The following MAST4 variants were observed in gnomAD, a reference collection of about 807,000 sequenced individuals.
MAST4 encodes the protein microtubule associated serine/threonine kinase family member 4.
A neutral mutation model predicts 162.7 loss-of-function variants in MAST4; 89 were observed. That is an observed-to-expected ratio of 0.55 (90% CI 0.46 to 0.65). The LOEUF is 0.65. Among genes scored for constraint, MAST4 ranks in the 30% least tolerant of loss-of-function variants. MAST4 has a pLI of 0.00. For synonymous variants in MAST4, 1,479 were observed against 1,361.1 expected (o/e 1.09, Z -1.91); for missense variants, 3,153 against 3,374.0 (o/e 0.93, Z 1.62).
rs116118119 is a variant in MAST4, at chr5:66,950,367, C to T, written c.674+50385C>T. 7.1e-3 allele frequency among the ~76,000 whole-genome samples: 1,083 copies of T among 152,028 alleles called. 16 individuals are homozygous for T. Among genetic ancestry groups the T allele is most frequent in the African/African-American group, 0.025 (1,038 of 41,484 alleles). ...GTGTAAGTATCACTGCCATGCATCT[C>T]GAGAACTTTTTCATCTTTCCCAACT... On this transcript the variant is annotated intron_variant, in intron 4 of 28. Coordinates refer to ENST00000403625, the MANE Select transcript of MAST4 (RefSeq NM_001164664.2).
At chr5:66,673,876 G>A (rs1459001928) in intron 1 of MAST4, among the ~76,000 whole-genome samples, 2 of 152,138 alleles carry the variant, frequency 1.3e-5, no homozygotes, top group Admixed American at 6.5e-5. Context: ...TGGCTTTTGA[G>A]CCTTCATCTT....
intron 1 of MAST4, among the ~76,000 whole-genome samples, 181 bp downstream of exon 1, chr5:66,597,199 T>A (rs1292546700): frequency 2.0e-5 from 3 of 152,202 alleles, no homozygotes; most frequent in Non-Finnish European, 1.5e-5. Context: ...GTTATTGACT[T>A]CCCTGTGGCT....
At position 66,906,971 on chromosome 5, in the gene MAST4, T is replaced by C. The variant is rs1580832403; in HGVS notation, c.674+6989T>C. ...CTTGATGGTAGCTTCTGGGAGGAGCTGGGCCTGCTAGACTTCTGAGGTAGA... is the reference window on the plus strand; with the variant it reads ...CTTGATGGTAGCTTCTGGGAGGAGCCGGGCCTGCTAGACTTCTGAGGTAGA... On this transcript the variant is annotated intron_variant, in intron 4 of 28. Coordinates refer to ENST00000403625, the MANE Select transcript of MAST4 (RefSeq NM_001164664.2). Among the ~76,000 whole-genome samples, 15 of 152,180 alleles carry C rather than the reference T, an allele frequency of 9.9e-5. No individual in the cohort carries two copies. The South Asian group carries it at 3.1e-3, about 32-fold the overall frequency.
At chr5:66,606,688 C>T (rs1261974941) in intron 1 of MAST4, among the ~76,000 whole-genome samples, 2 of 152,142 alleles carry the variant, frequency 1.3e-5, no homozygotes, top group African/African-American at 4.8e-5. Context: ...TCGTGAATCT[C>T]TCCCACTGGT....
intron 1 of MAST4, among the ~76,000 whole-genome samples, chr5:66,738,704 G>T (rs1475330418): frequency 6.6e-6 from 1 of 152,208 alleles, no homozygotes; most frequent in Non-Finnish European, 1.5e-5. Context: ...CCTCCTCCCG[G>T]TTGAAAGTGC....
chr5:66,644,986 G>A (rs536058306), intron 1 of MAST4, among the ~76,000 whole-genome samples: 1 of 151,932 alleles, frequency 6.6e-6, no homozygotes, highest in Admixed American at 6.6e-5. Flanking sequence ...GGTGGGGTCA[G>A]TGGATGAGCT....
chr5:66,959,050 T>C, intron 4 of MAST4: 1 of 595,978 alleles, frequency 1.7e-6, no homozygotes, highest in East Asian at 2.8e-5. Flanking sequence ...TGCACTGCCG[T>C]TAACCTGAGG....
intron 1 of MAST4, among the ~76,000 whole-genome samples, chr5:66,658,443 T>C (rs1746694454): frequency 6.6e-6 from 1 of 152,214 alleles, no homozygotes; most frequent in Non-Finnish European, 1.5e-5. Flanking sequence ...TCTTTCCTTT[T>C]AAATCAATAT....
chr5:66,918,206 T>C (rs1317778085), intron 4 of MAST4, among the ~76,000 whole-genome samples: 1 of 152,166 alleles, frequency 6.6e-6, no homozygotes, highest in Non-Finnish European at 1.5e-5. Flanking sequence ...GCTTAAGGGG[T>C]TAAAGTTTTC....
chr5:67,037,770 T>G (rs1409054444), intron 4 of MAST4, among the ~76,000 whole-genome samples: 2 of 152,272 alleles, frequency 1.3e-5, no homozygotes, highest in South Asian at 2.1e-4. Context: ...TTCAAGGCTT[T>G]GACAACAAGA....
chr5:67,031,170 G>A (rs1298063938), intron 4 of MAST4, among the ~76,000 whole-genome samples: 1 of 152,104 alleles, frequency 6.6e-6, no homozygotes, highest in African/African-American at 2.4e-5. Flanking sequence ...TTCCTGGTGG[G>A]TGGAGATTAT....
At chr5:67,077,139 C>G (rs891886804) in intron 5 of MAST4, among the ~76,000 whole-genome samples, 2 of 152,118 alleles carry the variant, frequency 1.3e-5, no homozygotes, top group African/African-American at 2.4e-5. Flanking sequence ...AAAAGCTCCC[C>G]AGAGATTTTG....
Position 66,871,239 on chromosome 5 carries a change from A to G in MAST4, c.643-28712A>G, listed in dbSNP as rs1760911837. On this transcript the variant is annotated intron_variant, in intron 3 of 28. Transcript: ENST00000403625. ...CACCGTATAAATACAATTGATGTAA[A>G]CCCTCTTAAAATGTAGCAAACTACA... Among the ~76,000 whole-genome samples the G allele has an allele frequency of 5.3e-5, 8 of 152,248 alleles. No homozygotes were observed. In the South Asian group the frequency reaches 1.7e-3, roughly 32 times the overall value.
intron 1 of MAST4, among the ~76,000 whole-genome samples, chr5:66,718,409 C>G (rs1750991560): frequency 6.6e-6 from 1 of 151,984 alleles, no homozygotes; most frequent in Non-Finnish European, 1.5e-5. Context: ...GCCTCCTGAA[C>G]CTGAGGACCC....
intron 1 of MAST4, among the ~76,000 whole-genome samples, chr5:66,742,697 G>A (rs1752540521): frequency 6.6e-6 from 1 of 152,130 alleles, no homozygotes; most frequent in Non-Finnish European, 1.5e-5. Flanking sequence ...TTTCCTGATT[G>A]CATGTGAAGG....
rs147127742 is a variant in MAST4, at chr5:67,056,434, T to G, written c.763+1942T>G. ...GTTTTTTAGTATATAATTCTGCGATTTAAAGATTTTAATCTCGCTCCTCTT... is the reference window on the plus strand; with the variant it reads ...GTTTTTTAGTATATAATTCTGCGATGTAAAGATTTTAATCTCGCTCCTCTT... On this transcript the variant is annotated intron_variant, in intron 5 of 28. Coordinates refer to ENST00000403625, the MANE Select transcript of MAST4 (RefSeq NM_001164664.2). Among the ~76,000 whole-genome samples the G allele has an allele frequency of 9.3e-4, 142 of 152,326 alleles. 2 individuals are homozygous for G. Among genetic ancestry groups the G allele is most frequent in the African/African-American group, 3.3e-3 (139 of 41,568 alleles).
intron 5 of MAST4, among the ~76,000 whole-genome samples, chr5:67,083,098 T>G (rs1762855005): frequency 6.6e-6 from 1 of 152,208 alleles, no homozygotes; most frequent in Non-Finnish European, 1.5e-5. Flanking sequence ...TTCCAAGATT[T>G]CCTGTGTGGT....
chr5:66,885,950 C>G (rs1382915340), intron 3 of MAST4, among the ~76,000 whole-genome samples: 1 of 152,120 alleles, frequency 6.6e-6, no homozygotes, highest in East Asian at 1.9e-4. Context: ...TTTCTAGATG[C>G]TTTACATGTA....
At chr5:66,834,447 G>T (rs1291777110) in intron 3 of MAST4, among the ~76,000 whole-genome samples, 17 of 152,200 alleles carry the variant, frequency 1.1e-4, no homozygotes, top group Admixed American at 1.1e-3. Context: ...GCAGAAGCCA[G>T]CTTAGACACC....
Sources: gnomAD v4.1 joint callset for allele counts (sites outside exome capture counted in the v4.1 genomes callset) on GRCh38, gnomAD v4.1.1 for gene constraint, MANE v1.5 for transcripts, NCBI Gene and HGNC (gene_info 2026-07-23, HGNC 2026-07-21) for gene names.